COG6: variants seen among roughly 807,000 people sequenced by gnomAD.
COG6 encodes the protein conserved oligomeric Golgi complex subunit 6.
Under a neutral mutation model 88.8 loss-of-function variants are expected in COG6, and 74 were observed. The ratio of observed to expected loss-of-function variants is 0.83; its 90% CI spans 0.69 to 1.01. COG6 has a LOEUF of 1.01. COG6 is among the 50% of genes least tolerant of loss of function. COG6 has a pLI of 0.00. For missense variants in COG6, 800 were observed against 797.9 expected, an observed-to-expected ratio of 1.00 and a Z score of -0.03; for synonymous variants, 286 against 278.7, an observed-to-expected ratio of 1.03 and a Z score of -0.26.
chr13:39,769,184 A>G (rs1166313527), intron 18 of COG6, among the ~76,000 whole-genome samples: 2 of 152,182 alleles, frequency 1.3e-5, no homozygotes, highest in African/African-American at 2.4e-5. Context: ...CAATGCTTCC[A>G]TAACACTCCT....
At chr13:39,723,558 G>A in intron 16 of COG6, 118 bp downstream of exon 16, 1 of 686,068 alleles carries the variant, frequency 1.5e-6, no homozygotes, top group Non-Finnish European at 2.7e-6. Context: ...TCCTGGGAAA[G>A]TGACTTATTT....
downstream of COG6, among the ~76,000 whole-genome samples, chr13:39,756,656 T>C (rs1880845185): frequency 6.6e-6 from 1 of 151,198 alleles, no homozygotes; most frequent in Admixed American, 6.6e-5. Context: ...GTACAAGTGA[T>C]CCTCCATAAG....
chr13:39,705,457 G>GGTTAGGGTTAGGGTT (rs1416655482), intron 13 of COG6, among the ~76,000 whole-genome samples: 4 of 152,044 alleles, frequency 2.6e-5, no homozygotes, highest in African/African-American at 7.2e-5. Context: ...TGCAAATCTA[G>GGTTAGGGTTAGGGTT]TGAAGTTTAA....
intron 13 of COG6, among the ~76,000 whole-genome samples, chr13:39,714,671 G>A (rs1355619432): frequency 6.6e-6 from 1 of 152,096 alleles, no homozygotes; most frequent in African/African-American, 2.4e-5. Context: ...ACTGCTGGTG[G>A]GAATGTAAAT....
chr13:39,693,169 C>A (rs1464047387), intron 11 of COG6, among the ~76,000 whole-genome samples: 3 of 151,952 alleles, frequency 2.0e-5, no homozygotes, highest in African/African-American at 4.8e-5. Flanking sequence ...TCCAGCCTTT[C>A]TCTGTTGTAT....
intron 2 of COG6, among the ~76,000 whole-genome samples, chr13:39,660,460 A>C (rs1593403845): frequency 6.6e-6 from 1 of 152,196 alleles, no homozygotes; most frequent in South Asian, 2.1e-4. Context: ...AGGACTTTGG[A>C]GCTAATGTGA....
At chr13:39,675,087 A>T (rs1875886636) in intron 4 of COG6, among the ~76,000 whole-genome samples, 1 of 152,130 alleles carries the variant, frequency 6.6e-6, no homozygotes, top group Non-Finnish European at 1.5e-5. Flanking sequence ...TATATTTCAC[A>T]TATTATTATT....
Position 39,659,403 on chromosome 13 carries a change from G to A in COG6, c.193G>A (p.Val65Ile). The A allele has an allele frequency of 6.2e-7, 1 of 1,613,508 alleles. No individual in the cohort carries two copies. Among genetic ancestry groups the A allele is most frequent in the Non-Finnish European group, 8.5e-7 (1 of 1,179,724 alleles). ...TCTCAAGGCACTTTCAACCTTTTTT[G>A]TTGAAAATAGTCTGCGGACTCGAAG... ...EALKALSTFF[V>I]ENSLRTRRNL... Residue 65 changes from valine to isoleucine, a missense_variant, in exon 2 of 19, where the codon GTT (valine) becomes ATT (isoleucine). Transcript: ENST00000455146.
At chr13:39,699,723 TC>T (rs1424407612) in intron 13 of COG6, 105 bp downstream of exon 13, 2 of 678,746 alleles carry the variant, frequency 2.9e-6, no homozygotes, top group Non-Finnish European at 5.4e-6. Flanking sequence ...CATTCTGTGT[TC>T]TTTTGAGTTC....
At chr13:39,776,470 T>A (rs1016216884) in intron 18 of COG6, among the ~76,000 whole-genome samples, 2 of 152,238 alleles carry the variant, frequency 1.3e-5, no homozygotes, top group Non-Finnish European at 2.9e-5. Flanking sequence ...ATTGTTATTG[T>A]TAGATATTAG....
chr13:39,687,446 C>T, intron 8 of COG6, 57 bp from the exon 9 acceptor site: 1 of 1,506,674 alleles, frequency 6.6e-7, no homozygotes, highest in Non-Finnish European at 9.2e-7. Flanking sequence ...CGTGAATAGT[C>T]TGATATAGCC....
Position 39,665,179 on chromosome 13 carries a change from C to G in COG6, c.428+25C>G, listed in dbSNP as rs745798409. 2.3e-6 allele frequency: 3 copies of G among 1,281,912 alleles called. No homozygotes were observed. In the South Asian group the frequency reaches 3.6e-5, roughly 15 times the overall value. 79.4% of individuals were successfully genotyped at this position (1,281,912 alleles called of 1,614,324 possible). On this transcript the variant is annotated intron_variant, in intron 4 of 18. Transcript: ENST00000455146. ...GGTAAGTTTTTCTTCATACAACCACCTTTTCAATAATTTGGAGATTGGAGT... is the reference window on the plus strand; with the variant it reads ...GGTAAGTTTTTCTTCATACAACCACGTTTTCAATAATTTGGAGATTGGAGT...
chr13:39,703,586 T>C (rs534170632), intron 13 of COG6, among the ~76,000 whole-genome samples: 150 of 152,268 alleles, frequency 9.9e-4, no homozygotes, highest in African/African-American at 3.5e-3. Context: ...AGAACTTTTT[T>C]TATAGTTTTT....
chr13:39,739,887 A>G (rs529488459), intron 18 of COG6, among the ~76,000 whole-genome samples: 5 of 152,272 alleles, frequency 3.3e-5, no homozygotes, highest in African/African-American at 1.2e-4. Context: ...TAACAAACTA[A>G]TAGAACTAAA....
chr13:39,723,535 A>G (rs1478331378), intron 16 of COG6, 95 bp downstream of exon 16: 4 of 759,960 alleles, frequency 5.3e-6, no homozygotes, highest in Admixed American at 1.9e-5. Context: ...TCTACCACAT[A>G]TTAGCTGTGT....
intron 16 of COG6, 45 bp from the exon 17 acceptor site, chr13:39,724,462 CT>C: frequency 2.1e-6 from 3 of 1,425,424 alleles, no homozygotes; most frequent in Non-Finnish European, 2.9e-6. Flanking sequence ...TGTATATCTC[CT>C]TTTTTACATC....
rs182651469 is a variant in COG6 at position 39,703,544 on chromosome 13, C to T, written c.1284+3926C>T. Among the ~76,000 whole-genome samples the T allele has an allele frequency of 5.9e-5, 9 of 152,208 alleles. No individual in the cohort carries two copies. The East Asian group carries it at 1.5e-3, about 26-fold the overall frequency. On this transcript the variant is annotated intron_variant, in intron 13 of 18. Coordinates refer to ENST00000455146, the MANE Select transcript of COG6 (RefSeq NM_020751.3). ...AAAATTTGCCTGTAGTATTTTCTGA[C>T]ACATCAACTTTTAATTTTTTTATAG...
intron 18 of COG6, among the ~76,000 whole-genome samples, chr13:39,768,113 AAC>A (rs952225174): frequency 3.2e-5 from 4 of 123,818 alleles, no homozygotes; most frequent in African/African-American, 8.7e-5. Context: ...CTTGCAGTTT[AAC>A]ACACATGTCT....
intron 18 of COG6, among the ~76,000 whole-genome samples, chr13:39,763,303 A>G (rs1881079678): frequency 1.3e-5 from 2 of 151,802 alleles, no homozygotes; most frequent in African/African-American, 4.8e-5. Context: ...AATTAGTGAC[A>G]GTTTTCTTTC....
Sources: gnomAD v4.1 joint callset for allele counts (sites outside exome capture counted in the v4.1 genomes callset) on GRCh38, gnomAD v4.1.1 for gene constraint, MANE v1.5 for transcripts, NCBI Gene and HGNC (gene_info 2026-07-23, HGNC 2026-07-21) for gene names.